The following GNAS variants were observed in gnomAD, a reference collection of about 807,000 sequenced individuals.
The protein encoded by GNAS is GNAS complex locus, also known as protein ALEX.
A neutral mutation model predicts 54.5 loss-of-function variants in GNAS; 8 were observed. The ratio of observed to expected loss-of-function variants is 0.15; its 90% CI spans 0.09 to 0.26. The LOEUF (loss-of-function observed/expected upper bound fraction) is 0.26, where lower values mean the gene tolerates loss of function less well. Ranked by LOEUF, GNAS falls within the 10% of genes least tolerant of loss-of-function variation. The probability of loss-of-function intolerance (pLI) is 1.00; values close to 1 mark genes in which losing one functional copy is unlikely to be tolerated. For missense variants in GNAS, 170 were observed against 529.8 expected (o/e 0.32, Z 6.67); for synonymous variants, 204 against 191.4 (o/e 1.07, Z -0.54).
chr20:58,868,560 G>A (rs1328651346), intron 1 of GNAS, among the ~76,000 whole-genome samples: 1 of 151,960 alleles, frequency 6.6e-6, no homozygotes, highest in Non-Finnish European at 1.5e-5. Flanking sequence ...AAGAAGGTGA[G>A]AGGTCAGAAA....
At chr20:58,847,324 T>C (rs1422365030) in intron 1 of GNAS, among the ~76,000 whole-genome samples, 1 of 152,084 alleles carries the variant, frequency 6.6e-6, no homozygotes, top group African/African-American at 2.4e-5. Flanking sequence ...TTAGCTGGCA[T>C]TTGCTTCAAA....
At chr20:58,855,092 C>T (rs1438819162) in intron 1 of GNAS, 1 of 1,613,574 alleles carries the variant, frequency 6.2e-7, no homozygotes, top group East Asian at 2.2e-5. Context: ...ACTTACTCCG[C>T]AACTTTCTCG....
intron 1 of GNAS, among the ~76,000 whole-genome samples, chr20:58,862,445 CACCATACCAAGCCTCGACT>C (rs1293091545): frequency 2.0e-5 from 3 of 152,078 alleles, no homozygotes; most frequent in African/African-American, 2.4e-5. Context: ...AGGTGTGAGC[CACCATACCAAGCCTCGACT>C]TTTAATTTTA....
Position 58,909,084 on chromosome 20 carries a change from C to A in GNAS, c.531-78C>A. ...GGACGGTCACTTCCGTTGAGCCTGACCTTGTAGAGAGACACAAATAGTTGG... is the reference window on the plus strand; with the variant it reads ...GGACGGTCACTTCCGTTGAGCCTGAACTTGTAGAGAGACACAAATAGTTGG... On this transcript the variant is annotated intron_variant, in intron 6 of 12. Coordinates refer to ENST00000371085, the MANE Select transcript of GNAS (RefSeq NM_000516.7). This position sits in a 1 kb window ranked among gnomAD's most constrained non-coding sequence, Gnocchi z 7.3. 1 of 1,220,368 alleles carries A rather than the reference C, an allele frequency of 8.2e-7. No individual in the cohort carries two copies. Among genetic ancestry groups the A allele is most frequent in the Non-Finnish European group, 1.2e-6 (1 of 821,226 alleles). 75.6% of individuals were successfully genotyped at this position (1,220,368 alleles called of 1,614,324 possible).
chr20:58,897,842 C>G (rs537786329), intron 2 of GNAS: 10 of 152,124 alleles, frequency 6.6e-5, no homozygotes, highest in Admixed American at 6.6e-4. Flanking sequence ...TGCGGTATTG[C>G]AACAAAAGCT....
chr20:58,859,807 G>T (rs1350625668), intron 1 of GNAS, among the ~76,000 whole-genome samples: 3 of 151,906 alleles, frequency 2.0e-5, no homozygotes, highest in Non-Finnish European at 4.4e-5. Context: ...TGTATTGTTA[G>T]TAGAGATGGG....
chr20:58,889,529 C>A, upstream of GNAS: 1 of 181,646 alleles, frequency 5.5e-6, no homozygotes, highest in Non-Finnish European at 1.0e-5. Context: ...GCCCAAGAGC[C>A]AAACCAAGGA....
intron 1 of GNAS, among the ~76,000 whole-genome samples, chr20:58,861,687 G>C (rs1181594722): frequency 2.0e-5 from 3 of 152,066 alleles, no homozygotes; most frequent in African/African-American, 7.2e-5. Flanking sequence ...GGAGAGGAGA[G>C]GTATTTCAAA....
intron 1 of GNAS, among the ~76,000 whole-genome samples, chr20:58,882,267 C>A (rs2088281150): frequency 6.6e-6 from 1 of 152,218 alleles, no homozygotes; most frequent in African/African-American, 2.4e-5. Flanking sequence ...GACGGGGTTT[C>A]ACCATGGTCT....
chr20:58,887,238 G>GT (rs1160221411), upstream of GNAS, among the ~76,000 whole-genome samples: 12 of 152,214 alleles, frequency 7.9e-5, no homozygotes, highest in Admixed American at 7.9e-4. Context: ...TAAAGACAAT[G>GT]TATCTGTGCT....
chr20:58,852,597 G>C (rs1363791906), intron 1 of GNAS: 2 of 179,048 alleles, frequency 1.1e-5, no homozygotes, highest in African/African-American at 4.7e-5. Flanking sequence ...CGAGGAGTCG[G>C]TTGGGTTGGG....
chr20:58,894,752 T>G (rs59053867), intron 1 of GNAS, among the ~76,000 whole-genome samples: 2 of 152,348 alleles, frequency 1.3e-5, no homozygotes, highest in East Asian at 1.9e-4. Flanking sequence ...TCTTTCAAAT[T>G]CAGTACTTCC....
intron 1 of GNAS, among the ~76,000 whole-genome samples, chr20:58,868,734 C>T (rs896622923): frequency 1.3e-5 from 2 of 152,160 alleles, no homozygotes; most frequent in African/African-American, 4.8e-5. Context: ...CTCTCACTCT[C>T]TTCTAAGATT....
At chr20:58,889,978 C>T (rs1462539089), upstream of GNAS, among the ~76,000 whole-genome samples, 1 of 151,232 alleles carries the variant, frequency 6.6e-6, no homozygotes. Flanking sequence ...GCTGCGGCGG[C>T]GGCTGCGGCG....
intron 1 of GNAS, chr20:58,892,191 C>T (rs1366161195): frequency 3.1e-6 from 3 of 976,718 alleles, no homozygotes; most frequent in East Asian, 1.2e-4. Context: ...GCGAGGCCTA[C>T]ACGACGCCAG....
chr20:58,910,156 A>G lies in GNAS; in HGVS notation c.970+75A>G, dbSNP rs1032521491. ...TCAAACGGTCAGGCTGAAAACCCCC[A>G]TCCCCCTCCCACCACCAAACCATAA... is the stretch of plus-strand genomic sequence containing the variant. On this transcript the variant is annotated intron_variant, in intron 11 of 12. Transcript: ENST00000371085. This position sits in a 1 kb window ranked among gnomAD's most constrained non-coding sequence, Gnocchi z 5.8. 3 of 1,481,178 alleles carry G rather than the reference A, an allele frequency of 2.0e-6. No individual in the cohort carries two copies. Among genetic ancestry groups the G allele is most frequent in the Non-Finnish European group, 2.8e-6 (3 of 1,059,370 alleles). The allele number at this position is 1,481,178 out of a possible 1,614,324, so 91.8% of individuals were successfully genotyped here.
upstream of GNAS, chr20:58,889,014 C>T (rs909443150): frequency 1.0e-6 from 1 of 962,168 alleles, no homozygotes; most frequent in South Asian, 4.6e-5. Context: ...CGGCACCGGC[C>T]TGCACCCCCA....
At chr20:58,892,895 GC>G (rs1294636021) in intron 1 of GNAS, among the ~76,000 whole-genome samples, 1 of 114,574 alleles carries the variant, frequency 8.7e-6, no homozygotes, top group East Asian at 2.4e-4. Context: ...CACGAGCAGC[GC>G]CCCCCCAACA....
At chr20:58,897,987 C>T (rs895902321) in intron 2 of GNAS, 1 of 152,208 alleles carries the variant, frequency 6.6e-6, no homozygotes, top group Non-Finnish European at 1.5e-5. Flanking sequence ...TTTGCCTTAA[C>T]TCTCTGCGGG....
Sources: gnomAD v4.1 joint callset for allele counts (sites outside exome capture counted in the v4.1 genomes callset) on GRCh38, gnomAD v4.1.1 for gene constraint, Gnocchi (gnomAD v3.1) non-coding constraint, MANE v1.5 for transcripts, NCBI Gene and HGNC (gene_info 2026-07-23, HGNC 2026-07-21) for gene names.